The following EPM2A variants were observed in gnomAD, a reference collection of about 807,000 sequenced individuals.
The protein encoded by EPM2A is laforin.
A neutral mutation model predicts 26.5 loss-of-function variants in EPM2A; 21 were observed. The ratio of observed to expected loss-of-function variants is 0.79; its 90% CI spans 0.56 to 1.14. The LOEUF (loss-of-function observed/expected upper bound fraction) is 1.14. EPM2A is among the 50% of genes most tolerant of loss of function. The probability of loss-of-function intolerance (pLI) is 0.00; values close to 1 mark genes in which losing one functional copy is unlikely to be tolerated. For missense variants in EPM2A, 458 were observed against 440.8 expected (o/e 1.04, Z -0.35); for synonymous variants, 217 against 177.6 (o/e 1.22, Z -1.76).
intron 2 of EPM2A, chr6:145,639,949 G>A (rs1776967217): frequency 6.6e-6 from 1 of 152,168 alleles, no homozygotes; most frequent in Non-Finnish European, 1.5e-5. Flanking sequence ...TTACAACTTA[G>A]CTAAAGACCA....
At chr6:145,545,714 G>T (rs1039537509) in intron 2 of EPM2A, among the ~76,000 whole-genome samples, 1 of 151,996 alleles carries the variant, frequency 6.6e-6, no homozygotes, top group Admixed American at 6.6e-5. Context: ...TGCAGGACCC[G>T]AGCTGAGCTG....
At chr6:145,687,454 C>A (rs1031968019) in intron 1 of EPM2A, among the ~76,000 whole-genome samples, 1 of 151,920 alleles carries the variant, frequency 6.6e-6, no homozygotes, top group African/African-American at 2.4e-5. Flanking sequence ...TACTAGTAAA[C>A]CTTGATTTCT....
intron 4 of EPM2A, among the ~76,000 whole-genome samples, chr6:145,439,309 C>A (rs1462780528): frequency 6.6e-6 from 1 of 152,004 alleles, no homozygotes; most frequent in Non-Finnish European, 1.5e-5. Context: ...GAATTTATAT[C>A]CCTTTGGATA....
chr6:145,466,935 C>G (rs916756507), intron 4 of EPM2A, among the ~76,000 whole-genome samples: 2 of 151,990 alleles, frequency 1.3e-5, no homozygotes, highest in African/African-American at 2.4e-5. Flanking sequence ...TAGGTGGGAA[C>G]TGAACAATGA....
At chr6:145,635,134 T>C in intron 3 of EPM2A, 111 bp downstream of exon 3, 2 of 1,238,950 alleles carry the variant, frequency 1.6e-6, no homozygotes, top group Non-Finnish European at 2.3e-6. Flanking sequence ...AAATCTTATA[T>C]TTATTCCATT....
chr6:145,642,392 C>T (rs1777150885), intron 2 of EPM2A, among the ~76,000 whole-genome samples: 2 of 152,054 alleles, frequency 1.3e-5, no homozygotes, highest in African/African-American at 4.8e-5. Context: ...AAATACGTGA[C>T]TTTTCTTGTA....
intron 3 of EPM2A, chr6:145,630,344 G>A (rs1399189973): frequency 6.6e-6 from 1 of 152,370 alleles, no homozygotes; most frequent in Admixed American, 6.5e-5. Context: ...CAAGCGCGGT[G>A]GCTCATGCCT....
At chr6:145,695,985 A>C (rs1781550767) in intron 1 of EPM2A, among the ~76,000 whole-genome samples, 1 of 152,112 alleles carries the variant, frequency 6.6e-6, no homozygotes, top group Non-Finnish European at 1.5e-5. Flanking sequence ...ATTCTTCCCA[A>C]ATATACACAG....
At chr6:145,394,656 C>T (rs1443186921) in intron 4 of EPM2A, among the ~76,000 whole-genome samples, 1 of 152,076 alleles carries the variant, frequency 6.6e-6, no homozygotes, top group Non-Finnish European at 1.5e-5. Context: ...TATTGTTATG[C>T]CTTGACACCC....
chr6:145,425,242 CG>C (rs1778840582), intron 4 of EPM2A, among the ~76,000 whole-genome samples: 1 of 151,832 alleles, frequency 6.6e-6, no homozygotes, highest in Non-Finnish European at 1.5e-5. Context: ...GGCGTGATCT[CG>C]GCTCACTGCA....
intron 2 of EPM2A, among the ~76,000 whole-genome samples, chr6:145,513,672 C>G (rs1780086227): frequency 6.6e-6 from 1 of 152,136 alleles, no homozygotes; most frequent in Non-Finnish European, 1.5e-5. Flanking sequence ...TCCTTGATAG[C>G]AAAAATATGA....
chr6:145,735,434 A>G lies in EPM2A; in HGVS notation c.65T>C (p.Val22Ala), dbSNP rs1776818676. The change falls in exon 1 of 4, where the codon GTG becomes GCG. Residue 22 changes from valine to alanine, a missense_variant. Physicochemically the swap from Val to Ala is moderately conservative, Grantham distance 64. Coordinates refer to ENST00000367519, the MANE Select transcript of EPM2A (RefSeq NM_005670.4). The part of the protein sequence containing the change: ...AVAGARPELL[V>A]VGSRPELGRW... The stretch of plus-strand genomic sequence containing the variant: ...CCCCAGCTCGGGCCGCGACCCCACC[A>G]CCAGCAGCTCCGGCCGGGCGCCGGC... The G allele has an allele frequency of 1.6e-6, 2 of 1,256,498 alleles. No homozygotes were observed. The highest frequency in any genetic ancestry group is 7.3e-5 in the East Asian group (2 of 27,568). The allele number at this position is 1,256,498 out of a possible 1,614,324, so 77.8% of individuals were successfully genotyped here. A position where few individuals can be genotyped will look rare whatever the true frequency, so the allele number is the denominator to read the frequency against.
At chr6:145,577,625 T>C (rs11155432) in intron 2 of EPM2A, among the ~76,000 whole-genome samples, 64,874 of 151,328 alleles carry the variant, frequency 0.43, 14,459 homozygotes, top group African/African-American at 0.51. Context: ...ATTTCACTTT[T>C]GGCTTTGGAC....
chr6:145,429,278 TAAAC>T (rs1582748284), intron 4 of EPM2A, among the ~76,000 whole-genome samples: 2 of 152,308 alleles, frequency 1.3e-5, no homozygotes, highest in East Asian at 1.9e-4. Flanking sequence ...TTTTAATTCT[TAAAC>T]AAAAATCAAC....
At chr6:145,564,255 T>C (rs535247638) in intron 2 of EPM2A, among the ~76,000 whole-genome samples, 2 of 152,336 alleles carry the variant, frequency 1.3e-5, no homozygotes, top group African/African-American at 4.8e-5. Context: ...CATATATAAA[T>C]ACATACATGT....
chr6:145,491,322 C>T lies in EPM2A; in HGVS notation c.555+11200G>A, dbSNP rs1582795691. On this transcript the variant is annotated intron_variant, in intron 4 of 4. Transcript: ENST00000638717. ...GCACTCAACCTGCCACAGGAGGGAG[C>T]ATGCAGGTGAGCGGGCGCAGGAGTC... 57 of 338,280 alleles carry T rather than the reference C, an allele frequency of 1.7e-4. 2 individuals carry two copies. The highest frequency in any genetic ancestry group is 1.4e-3 in the South Asian group (55 of 39,848). The allele number at this position is 338,280 out of a possible 1,614,324, so 21.0% of individuals were successfully genotyped here.
chr6:145,483,210 G>A (rs1267646703), intron 4 of EPM2A, among the ~76,000 whole-genome samples: 4 of 151,936 alleles, frequency 2.6e-5, no homozygotes, highest in Non-Finnish European at 5.9e-5. Flanking sequence ...AAAGTTAAAA[G>A]TAGCTTTGAC....
chr6:145,465,593 T>C (rs1158074496), intron 4 of EPM2A, among the ~76,000 whole-genome samples: 4 of 151,352 alleles, frequency 2.6e-5, no homozygotes, highest in South Asian at 4.2e-4. Flanking sequence ...TCCCCATCTT[T>C]GTGGTTTTAT....
In EPM2A at chr6:145,728,895, T is replaced by A. The variant is rs575024090; in HGVS notation, c.301+6303A>T. 5.8e-4 allele frequency among the ~76,000 whole-genome samples: 89 copies of A among 152,270 alleles called. 1 individual carries two copies. Among genetic ancestry groups the A allele is most frequent in the African/African-American group, 2.1e-3 (86 of 41,554 alleles). On this transcript the variant is annotated intron_variant, in intron 1 of 3. Coordinates refer to ENST00000367519, the MANE Select transcript of EPM2A (RefSeq NM_005670.4). ...CCCTCTCACCACAAGCCTGGAGGCC[T>A]AGGAGGGAAAAATAGTTTCACAGGC... is the stretch of plus-strand genomic sequence containing the variant.
Sources: gnomAD v4.1 joint callset for allele counts (sites outside exome capture counted in the v4.1 genomes callset) on GRCh38, gnomAD v4.1.1 for gene constraint, MANE v1.5 for transcripts, NCBI Gene and HGNC (gene_info 2026-07-23, HGNC 2026-07-21) for gene names.